VPS8: variants seen among roughly 807,000 people sequenced by gnomAD.
VPS8 encodes VPS8 subunit of CORVET complex.
A neutral mutation model predicts 216.4 loss-of-function variants in VPS8; 129 were observed. The observed-to-expected ratio is 0.60, with a 90% CI of 0.52 to 0.69. The LOEUF (loss-of-function observed/expected upper bound fraction) is 0.69. Ranked by LOEUF, VPS8 falls within the 30% of genes least tolerant of loss-of-function variation. The pLI is 0.00. For missense variants in VPS8, 1,531 were observed against 1,683.5 expected (o/e 0.91, Z 1.59); for synonymous variants, 571 against 565.4 (o/e 1.01, Z -0.14).
intron 6 of VPS8, chr3:184,839,054 C>T: frequency 3.5e-6 from 1 of 285,438 alleles, no homozygotes; most frequent in Admixed American, 5.2e-5. Context: ...GGCTCCCCTT[C>T]CACAAGGAAT....
At chr3:184,928,737 AT>A (rs1740138049) in intron 32 of VPS8, among the ~76,000 whole-genome samples, 1 of 152,222 alleles carries the variant, frequency 6.6e-6, no homozygotes, top group South Asian at 2.1e-4. Flanking sequence ...TAGGGCAGAT[AT>A]GAAACTTTTA....
At chr3:184,818,367 C>A (rs1005917609) in intron 1 of VPS8, among the ~76,000 whole-genome samples, 1 of 151,602 alleles carries the variant, frequency 6.6e-6, no homozygotes, top group Non-Finnish European at 1.5e-5. Context: ...ATGAAAAATT[C>A]AAAAAATTAG....
chr3:185,031,078 T>G (rs1198732756), intron 46 of VPS8, among the ~76,000 whole-genome samples: 8 of 148,454 alleles, frequency 5.4e-5, no homozygotes, highest in South Asian at 2.2e-4. Context: ...TTTTTTTTTT[T>G]TTTTTTTTTT....
chr3:184,901,747 AC>A (rs1734522775), intron 25 of VPS8, among the ~76,000 whole-genome samples: 1 of 151,836 alleles, frequency 6.6e-6, no homozygotes, highest in African/African-American at 2.4e-5. Flanking sequence ...TCCATTCCTG[AC>A]CCCTAGCTGT....
intron 44 of VPS8, among the ~76,000 whole-genome samples, chr3:184,997,051 G>A (rs1752710909): frequency 6.6e-6 from 1 of 152,220 alleles, no homozygotes; most frequent in African/African-American, 2.4e-5. Flanking sequence ...ACATCAGGTA[G>A]GGATGCCAGC....
chr3:184,982,660 G>C lies in VPS8; in HGVS notation c.3502+13G>C. On this transcript the variant is annotated intron_variant, in intron 41 of 47. Coordinates refer to ENST00000625842, the MANE Select transcript of VPS8 (RefSeq NM_001009921.3). ...CTACACTCTGAAGGTAAGTTCTTCA[G>C]AATTCAAGTGACTGAGTCCACCTGT... 1 of 1,595,970 alleles carries C rather than the reference G, an allele frequency of 6.3e-7. No homozygotes were observed. The highest frequency in any genetic ancestry group is 8.6e-7 in the Non-Finnish European group (1 of 1,167,488).
chr3:184,917,131 T>C lies in VPS8; in HGVS notation c.2382+1657T>C, dbSNP rs557754841. 6.6e-5 allele frequency among the ~76,000 whole-genome samples: 10 copies of C among 152,294 alleles called. 1 individual carries two copies. The South Asian group carries it at 2.1e-3, about 32-fold the overall frequency. On this transcript the variant is annotated intron_variant, in intron 28 of 47. Coordinates refer to ENST00000625842, the MANE Select transcript of VPS8 (RefSeq NM_001009921.3). ...GGGCACCTACTGGAACGTTAGGGAA[T>C]GTTTCTGAGATAAAATGGTGTCTAC...
At chr3:184,919,250 T>A (rs1578240381) in intron 28 of VPS8, 1 of 152,212 alleles carries the variant, frequency 6.6e-6, no homozygotes, top group Admixed American at 6.5e-5. Flanking sequence ...ACTGGGACAA[T>A]GCGTAGTTCA....
intron 46 of VPS8, among the ~76,000 whole-genome samples, chr3:185,044,745 C>G (rs924438148): frequency 2.4e-4 from 37 of 152,248 alleles, no homozygotes; most frequent in African/African-American, 8.4e-4. Context: ...ACATTTTCCC[C>G]TCCTCTCTCT....
At chr3:184,992,227 T>C (rs1751994387) in intron 42 of VPS8, among the ~76,000 whole-genome samples, 1 of 152,172 alleles carries the variant, frequency 6.6e-6, no homozygotes, top group Non-Finnish European at 1.5e-5. Flanking sequence ...CCATAGCCTT[T>C]TTTCCTTCTG....
chr3:185,008,133 C>T (rs902073295), intron 45 of VPS8, among the ~76,000 whole-genome samples: 1 of 151,998 alleles, frequency 6.6e-6, no homozygotes. Flanking sequence ...AGAGTATATT[C>T]AACATTAAAC....
At chr3:185,023,413 A>G (rs778841298) in intron 45 of VPS8, among the ~76,000 whole-genome samples, 9 of 152,184 alleles carry the variant, frequency 5.9e-5, no homozygotes, top group East Asian at 5.8e-4. Flanking sequence ...ATCTAGTGCT[A>G]TTGGCTGGAC....
chr3:184,888,724 A>ATTATCTAATTTATATATC (rs1242423981), intron 22 of VPS8, among the ~76,000 whole-genome samples: 2 of 152,190 alleles, frequency 1.3e-5, no homozygotes, highest in Non-Finnish European at 2.9e-5. Context: ...TCAAATTGAG[A>ATTATCTAATTTATATATC]TAATTTATAA....
chr3:184,935,593 G>A (rs1309404645), intron 34 of VPS8, among the ~76,000 whole-genome samples: 1 of 152,118 alleles, frequency 6.6e-6, no homozygotes, highest in Non-Finnish European at 1.5e-5. Context: ...CAATTGGAAA[G>A]GTAGAATATT....
intron 36 of VPS8, among the ~76,000 whole-genome samples, chr3:184,948,241 T>C (rs1744046697): frequency 6.6e-6 from 1 of 150,846 alleles, no homozygotes; most frequent in Non-Finnish European, 1.5e-5. Flanking sequence ...TTTTTAAATC[T>C]GCTTTGTTGG....
At chr3:184,955,427 C>A (rs1745414491) in intron 36 of VPS8, among the ~76,000 whole-genome samples, 1 of 152,096 alleles carries the variant, frequency 6.6e-6, no homozygotes, top group South Asian at 2.1e-4. Flanking sequence ...GGGAAGGGCC[C>A]CCTGTCCCAT....
intron 44 of VPS8, among the ~76,000 whole-genome samples, chr3:184,998,577 G>A (rs1164531163): frequency 7.1e-6 from 1 of 141,492 alleles, no homozygotes; most frequent in Non-Finnish European, 1.5e-5. Flanking sequence ...AAAAGAAAAA[G>A]AGTATAAAGA....
At chr3:184,965,539 G>T (rs566879822) in intron 38 of VPS8, among the ~76,000 whole-genome samples, 6 of 152,284 alleles carry the variant, frequency 3.9e-5, no homozygotes, top group East Asian at 1.9e-4. Context: ...CTTCACTAGG[G>T]CTCCGCTGTG....
Position 184,860,123 on chromosome 3 carries a change from T to G in VPS8, c.1224+58T>G, listed in dbSNP as rs963197876. On this transcript the variant is annotated intron_variant, in intron 15 of 47. Transcript: ENST00000625842. ...AGTTCATGTAATTGTTCTGAATCTA[T>G]GATATATTAAAGCTACCAGGATTTC... 12 of 1,369,120 alleles carry G rather than the reference T, an allele frequency of 8.8e-6. No homozygotes were observed. The Admixed American group carries it at 1.5e-4, about 17-fold the overall frequency. The allele number at this position is 1,369,120 out of a possible 1,614,324, so 84.8% of individuals were successfully genotyped here.
Sources: allele counts gnomAD v4.1 joint callset (sites outside exome capture counted in the v4.1 genomes callset), GRCh38; gene constraint gnomAD v4.1.1; transcripts MANE v1.5; gene names NCBI Gene and HGNC (gene_info 2026-07-23, HGNC 2026-07-21).